Variants in FAM178B observed in about 807,000 individuals in gnomAD.
FAM178B encodes protein FAM178B.
Under a neutral mutation model 91.7 loss-of-function variants are expected in FAM178B, and 82 were observed. That is an observed-to-expected ratio of 0.89 (90% CI 0.75 to 1.07). FAM178B has a LOEUF of 1.07. FAM178B is among the 50% of genes least tolerant of loss of function. The pLI, the probability that FAM178B is intolerant of heterozygous loss-of-function variation, is 0.00. For missense variants in FAM178B, 769 were observed against 846.7 expected (o/e 0.91, Z 1.14); for synonymous variants, 368 against 359.4 (o/e 1.02, Z -0.27).
chr2:96,960,482 C>A (rs953782255), intron 5 of FAM178B, 42 bp from the exon 6 acceptor site: 49 of 1,503,158 alleles, frequency 3.3e-5, no homozygotes, highest in Admixed American at 2.9e-4. Flanking sequence ...TCAGCAGATG[C>A]ACCTCGGCCT....
At chr2:96,944,548 G>A (rs924231539) in intron 8 of FAM178B, among the ~76,000 whole-genome samples, 2 of 152,094 alleles carry the variant, frequency 1.3e-5, no homozygotes, top group African/African-American at 2.4e-5. Flanking sequence ...TGGCAGCTAC[G>A]GCAGCCATTC....
At chr2:96,912,758 C>G (rs1415709637) in intron 12 of FAM178B, among the ~76,000 whole-genome samples, 2 of 152,208 alleles carry the variant, frequency 1.3e-5, no homozygotes, top group African/African-American at 4.8e-5. Context: ...GCTCCGGATG[C>G]GACCTTCATC....
intron 7 of FAM178B, 109 bp from the exon 8 acceptor site, chr2:96,948,011 C>A (rs1623881): frequency 0.72 from 458,496 of 639,672 alleles, 172,228 homozygotes; most frequent in African/African-American, 0.84. Context: ...CCATTTAATT[C>A]TCATAAGTCT....
chr2:96,932,613 C>T (rs2081558774), intron 8 of FAM178B, among the ~76,000 whole-genome samples: 1 of 152,144 alleles, frequency 6.6e-6, no homozygotes, highest in African/African-American at 2.4e-5. Flanking sequence ...AGGTGATGCC[C>T]AGGGGAGCAC....
At chr2:96,905,433 C>T (rs1214364349) in intron 12 of FAM178B, among the ~76,000 whole-genome samples, 2 of 151,572 alleles carry the variant, frequency 1.3e-5, no homozygotes, top group Non-Finnish European at 2.9e-5. Context: ...TGGCACACAC[C>T]TGTAATCCTA....
intron 7 of FAM178B, 110 bp downstream of exon 7, chr2:96,951,269 G>A: frequency 1.3e-6 from 1 of 759,706 alleles, no homozygotes. Context: ...GCCCAGCCAA[G>A]CAGCACCTAA....
intron 14 of FAM178B, among the ~76,000 whole-genome samples, chr2:96,887,155 T>C (rs1053823132): frequency 6.6e-6 from 1 of 151,986 alleles, no homozygotes; most frequent in Non-Finnish European, 1.5e-5. Flanking sequence ...GCGGAGCTTG[T>C]AGTGAGCCAA....
chr2:96,981,954 G>C (rs1055098763), intron 1 of FAM178B, among the ~76,000 whole-genome samples: 4 of 151,818 alleles, frequency 2.6e-5, no homozygotes, highest in African/African-American at 9.7e-5. Context: ...TGCAGTACCA[G>C]CTACTTGGGA....
chr2:96,882,662 GTGGCCCTTCT>G, intron 14 of FAM178B, among the ~76,000 whole-genome samples: 1 of 152,208 alleles, frequency 6.6e-6, no homozygotes, highest in Middle Eastern at 3.2e-3. Flanking sequence ...GGAGCACAAG[GTGGCCCTTCT>G]ATACGCCAGA....
intron 12 of FAM178B, among the ~76,000 whole-genome samples, chr2:96,917,911 G>A (rs2081268602): frequency 6.6e-6 from 1 of 152,074 alleles, no homozygotes; most frequent in African/African-American, 2.4e-5. Context: ...GGCTGTTTGG[G>A]GATGGAAAAA....
At chr2:96,936,543 T>C (rs1377896478) in intron 8 of FAM178B, among the ~76,000 whole-genome samples, 1 of 149,532 alleles carries the variant, frequency 6.7e-6, no homozygotes, top group African/African-American at 2.5e-5. Flanking sequence ...AGAGCTTTGT[T>C]CTGTCCCCCA....
At chr2:96,974,563 A>G (rs536258844) in intron 1 of FAM178B, among the ~76,000 whole-genome samples, 177 of 152,302 alleles carry the variant, frequency 1.2e-3, no homozygotes, top group African/African-American at 3.9e-3. Context: ...AAATTCTCCA[A>G]TCAAAAGACA....
At position 96,876,437 on chromosome 2, in the gene FAM178B, G is replaced by A. The variant is rs1438999876; in HGVS notation, c.2008-129C>T. On this transcript the variant is annotated intron_variant, in intron 16 of 16. Coordinates refer to ENST00000490605, the MANE Select transcript of FAM178B (RefSeq NM_001122646.3). Reference sequence around the variant, plus strand: ...CTCATGCCAGGGGCCGAGTGAGCAGGATGCCTGGGTTCACACTACTGGCGA... The same window carrying A: ...CTCATGCCAGGGGCCGAGTGAGCAGAATGCCTGGGTTCACACTACTGGCGA... 5 of 1,185,816 alleles carry A rather than the reference G, an allele frequency of 4.2e-6. No homozygotes were observed. In the East Asian group the frequency reaches 7.6e-5, roughly 18 times the overall value. 73.5% of individuals were successfully genotyped at this position (1,185,816 alleles called of 1,614,324 possible).
At chr2:96,877,809 G>T in intron 16 of FAM178B, 81 bp downstream of exon 16, 1 of 1,401,690 alleles carries the variant, frequency 7.1e-7, no homozygotes, top group Admixed American at 2.0e-5. Context: ...TGCAGCGGGG[G>T]TGGATGTGCT....
chr2:96,947,420 G>A (rs117874152), intron 8 of FAM178B, among the ~76,000 whole-genome samples: 1 of 152,254 alleles, frequency 6.6e-6, no homozygotes, highest in East Asian at 1.9e-4. Flanking sequence ...TCCAACCCAA[G>A]GAGCACCCTG....
chr2:96,881,585 TAGA>T lies in FAM178B; in HGVS notation c.1777-3095_1777-3093del, dbSNP rs933641494. ...GGCCCGGCTGCAGAACTTCCCCTCCTAGAAGGAGTCGTGGGGAGGGTCTGAGAT... is the reference window on the plus strand; with the variant it reads ...GGCCCGGCTGCAGAACTTCCCCTCCTAGGAGTCGTGGGGAGGGTCTGAGAT... On this transcript the variant is annotated intron_variant, in intron 14 of 16. Coordinates refer to ENST00000490605, the MANE Select transcript of FAM178B (RefSeq NM_001122646.3). 4.0e-5 allele frequency among the ~76,000 whole-genome samples: 6 copies of T among 151,834 alleles called. 1 individual carries two copies. In the South Asian group the frequency reaches 1.0e-3, roughly 26 times the overall value.
rs2082332294 is a variant in FAM178B at position 96,979,312 on chromosome 2, C to T, written c.74-6706G>A. Reference sequence around the variant, plus strand: ...TTTTTTTTCCTGAGACAGAGTCGCACTCTGTCATCCAGGCTGGAGTGCAGT... The same window carrying T: ...TTTTTTTTCCTGAGACAGAGTCGCATTCTGTCATCCAGGCTGGAGTGCAGT... On this transcript the variant is annotated intron_variant, in intron 1 of 16. Coordinates refer to ENST00000490605, the MANE Select transcript of FAM178B (RefSeq NM_001122646.3). Among the ~76,000 whole-genome samples, 3 of 129,006 alleles carry T rather than the reference C, an allele frequency of 2.3e-5. No individual in the cohort carries two copies. In the South Asian group the frequency reaches 7.4e-4, roughly 32 times the overall value. 84.6% of individuals were successfully genotyped at this position (129,006 alleles called of 152,430 possible).
At chr2:96,955,147 C>T (rs2081980788) in intron 6 of FAM178B, among the ~76,000 whole-genome samples, 1 of 151,946 alleles carries the variant, frequency 6.6e-6, no homozygotes, top group Non-Finnish European at 1.5e-5. Flanking sequence ...AGGTGGATCA[C>T]CTGAGGTTAG....
chr2:96,936,621 T>C (rs1330788207), intron 8 of FAM178B, among the ~76,000 whole-genome samples: 1 of 151,798 alleles, frequency 6.6e-6, no homozygotes, highest in Non-Finnish European at 1.5e-5. Context: ...GCGATTCTCC[T>C]GCCCCAACCT....
Sources: gnomAD v4.1 joint callset for allele counts (sites outside exome capture counted in the v4.1 genomes callset) on GRCh38, gnomAD v4.1.1 for gene constraint, MANE v1.5 for transcripts, NCBI Gene and HGNC (gene_info 2026-07-23, HGNC 2026-07-21) for gene names.